The following ASB3 variants were observed in gnomAD, a reference collection of about 807,000 sequenced individuals.
The protein encoded by ASB3 is ankyrin repeat and SOCS box containing 3.
A neutral mutation model predicts 54.5 loss-of-function variants in ASB3; 41 were observed. That is an observed-to-expected ratio of 0.75 (90% CI 0.59 to 0.98). The LOEUF is 0.98. Ranked by LOEUF, ASB3 falls within the 50% of genes least tolerant of loss-of-function variation. The pLI, the probability that ASB3 is intolerant of heterozygous loss-of-function variation, is 0.00. For synonymous variants in ASB3, 266 were observed against 221.2 expected (o/e 1.20, Z -1.80); for missense variants, 733 against 620.0 (o/e 1.18, Z -1.94).
At chr2:53,767,019 T>C (rs955107962) in intron 1 of ASB3, among the ~76,000 whole-genome samples, 1 of 152,110 alleles carries the variant, frequency 6.6e-6, no homozygotes, top group African/African-American at 2.4e-5. Flanking sequence ...AATGAGCAGA[T>C]CTTCAAAAAA....
chr2:53,683,159 A>G (rs1473748922), intron 9 of ASB3, among the ~76,000 whole-genome samples: 1 of 152,076 alleles, frequency 6.6e-6, no homozygotes, highest in Non-Finnish European at 1.5e-5. Flanking sequence ...CGGTTTTTTG[A>G]GGGTTTTGTC....
At chr2:53,753,921 G>A (rs183785551) in intron 2 of ASB3, among the ~76,000 whole-genome samples, 42 of 152,088 alleles carry the variant, frequency 2.8e-4, no homozygotes, top group Admixed American at 1.9e-3. Flanking sequence ...GATTACAGGC[G>A]TGAGCCACCA....
chr2:53,701,873 A>G (rs574693951), intron 7 of ASB3, among the ~76,000 whole-genome samples: 42 of 152,324 alleles, frequency 2.8e-4, no homozygotes, highest in African/African-American at 9.9e-4. Context: ...ATACTTAAAT[A>G]TAAGTTCTAT....
intron 9 of ASB3, among the ~76,000 whole-genome samples, chr2:53,684,471 T>G (rs1013360732): frequency 6.6e-6 from 1 of 152,226 alleles, no homozygotes; most frequent in East Asian, 1.9e-4. Flanking sequence ...CGAACAGTTT[T>G]AGGATCAGCC....
At chr2:53,697,022 C>G (rs575223685) in intron 8 of ASB3, among the ~76,000 whole-genome samples, 1 of 152,090 alleles carries the variant, frequency 6.6e-6, no homozygotes, top group Non-Finnish European at 1.5e-5. Context: ...ACAGGAGGTC[C>G]GCACAAGATA....
intron 9 of ASB3, among the ~76,000 whole-genome samples, chr2:53,689,995 G>A (rs1668823756): frequency 6.6e-6 from 1 of 152,098 alleles, no homozygotes; most frequent in Non-Finnish European, 1.5e-5. Context: ...CACTTTGGGA[G>A]GCTGAGGTGG....
chr2:53,763,217 G>A (rs1393481829), intron 2 of ASB3, among the ~76,000 whole-genome samples: 2 of 152,194 alleles, frequency 1.3e-5, no homozygotes, highest in East Asian at 3.9e-4. Context: ...AGTTAGCCAG[G>A]CATTGGTGGT....
intron 1 of ASB3, among the ~76,000 whole-genome samples, chr2:53,772,954 T>G (rs1674049101): frequency 6.6e-6 from 1 of 151,594 alleles, no homozygotes; most frequent in Non-Finnish European, 1.5e-5. Flanking sequence ...CCAACAATCC[T>G]CAGTTTCTTA....
intron 9 of ASB3, among the ~76,000 whole-genome samples, chr2:53,693,334 A>C (rs903809946): frequency 3.3e-5 from 5 of 152,132 alleles, no homozygotes; most frequent in African/African-American, 9.6e-5. Flanking sequence ...GTAAGTTGAA[A>C]TTTTGTTCTA....
chr2:53,718,346 G>T (rs1483830204), intron 5 of ASB3, among the ~76,000 whole-genome samples: 1 of 152,188 alleles, frequency 6.6e-6, no homozygotes, highest in Non-Finnish European at 1.5e-5. Flanking sequence ...AGGCAAGAGA[G>T]ATTGGGGGTC....
intron 7 of ASB3, among the ~76,000 whole-genome samples, chr2:53,706,067 C>A (rs1371727191): frequency 6.6e-6 from 1 of 152,108 alleles, no homozygotes; most frequent in African/African-American, 2.4e-5. Context: ...ACTGTTAGCT[C>A]ATTTGATCCT....
rs1432648367 is a variant in ASB3 at position 53,714,494 on chromosome 2, C to G, written c.870G>C (p.Gly290=). The change falls in exon 7 of 10, where the codon GGG becomes GGC. Residue 290 remains glycine (G), a synonymous_variant. Transcript: ENST00000263634. ...KVSPVYSAVF[G]GHEDCLEILL... ...ATATTTCTAGGCAATCTTCATGTCC[C>G]CCAAACACTGCTGAGTAAACAGGGC... The G allele has an allele frequency of 1.2e-6, 2 of 1,614,220 alleles. No homozygotes were observed. The highest frequency in any genetic ancestry group is 1.7e-5 in the Admixed American group (1 of 60,026).
At chr2:53,683,132 C>A (rs34498147) in intron 9 of ASB3, among the ~76,000 whole-genome samples, 2 of 151,954 alleles carry the variant, frequency 1.3e-5, no homozygotes, top group African/African-American at 4.8e-5. Flanking sequence ...ACGGTGTTTA[C>A]TGAATTGAGG....
chr2:53,675,752 T>TA (rs1264133565), intron 9 of ASB3, among the ~76,000 whole-genome samples: 1 of 152,238 alleles, frequency 6.6e-6, no homozygotes, highest in African/African-American at 2.4e-5. Context: ...CCAAGTGTTT[T>TA]AAGTATGTCA....
intron 1 of ASB3, among the ~76,000 whole-genome samples, chr2:53,785,778 G>T (rs1248067297): frequency 6.6e-6 from 1 of 152,224 alleles, no homozygotes; most frequent in Non-Finnish European, 1.5e-5. Flanking sequence ...AGAGGCGGAG[G>T]TTGCAGTGAG....
chr2:53,714,549 C>T lies in ASB3; in HGVS notation c.815G>A (p.Arg272Gln), dbSNP rs149868186. The T allele has an allele frequency of 3.4e-5, 55 of 1,613,936 alleles. No homozygotes were observed. Among genetic ancestry groups the T allele is most frequent in the Non-Finnish European group, 4.7e-5 (55 of 1,180,012 alleles). The change falls in exon 7 of 10, where the codon CGG (arginine) becomes CAG (glutamine). Residue 272 changes from arginine (R) to glutamine (Q), a missense_variant. Transcript: ENST00000263634. Reference protein sequence around the residue: ...ILDLLIPLTNRACDTGLNKVS... With the variant: ...ILDLLIPLTNQACDTGLNKVS... ...TTTGTTTAGCCCAGTGTCACAGGCC[C>T]GGTTAGTAAGTGGTATTAACAAGTC...
At chr2:53,764,036 C>T (rs1352660872) in intron 2 of ASB3, among the ~76,000 whole-genome samples, 1 of 151,918 alleles carries the variant, frequency 6.6e-6, no homozygotes, top group Non-Finnish European at 1.5e-5. Context: ...AAGAAAAAAA[C>T]AAAACAACAA....
At chr2:53,672,994 A>G (rs1299279876) in intron 9 of ASB3, among the ~76,000 whole-genome samples, 3 of 152,218 alleles carry the variant, frequency 2.0e-5, no homozygotes, top group Non-Finnish European at 2.9e-5. Flanking sequence ...TGCACAACGT[A>G]ATAAAAAGTT....
chr2:53,771,853 T>C, intron 1 of ASB3: 4 of 956,116 alleles, frequency 4.2e-6, no homozygotes, highest in Non-Finnish European at 5.0e-6. Flanking sequence ...AATGCTCAGC[T>C]ACTTAATGAA....
Sources: gnomAD v4.1 joint callset for allele counts (sites outside exome capture counted in the v4.1 genomes callset) on GRCh38, gnomAD v4.1.1 for gene constraint, MANE v1.5 for transcripts, NCBI Gene and HGNC (gene_info 2026-07-23, HGNC 2026-07-21) for gene names.